PTN: variants seen among roughly 807,000 people sequenced by gnomAD.
The protein encoded by PTN is heparin affin regulatory protein.
A neutral mutation model predicts 24.1 loss-of-function variants in PTN; 18 were observed. That is an observed-to-expected ratio of 0.75 (90% CI 0.52 to 1.11). The LOEUF is 1.11. PTN is among the 50% of genes least tolerant of loss of function. The pLI is 0.00. For synonymous variants in PTN, 78 were observed against 68.6 expected (o/e 1.14, Z -0.67); for missense variants, 163 against 198.8 (o/e 0.82, Z 1.08).
chr7:137,267,086 C>T (rs1809164907), intron 1 of PTN, among the ~76,000 whole-genome samples: 1 of 151,986 alleles, frequency 6.6e-6, no homozygotes. Flanking sequence ...TTTAAATATG[C>T]CTTGGCTTTT....
chr7:137,276,999 T>G (rs1450572941), intron 1 of PTN, among the ~76,000 whole-genome samples: 1 of 152,190 alleles, frequency 6.6e-6, no homozygotes, highest in Non-Finnish European at 1.5e-5. Context: ...TCAAGGTGAG[T>G]ACACATATAT....
chr7:137,337,247 C>T (rs890563757), intron 1 of PTN, among the ~76,000 whole-genome samples: 1 of 152,130 alleles, frequency 6.6e-6, no homozygotes, highest in Non-Finnish European at 1.5e-5. Context: ...TGGGGTTTGA[C>T]ATGAGAGACA....
At chr7:137,297,183 G>A (rs1159206146) in intron 1 of PTN, among the ~76,000 whole-genome samples, 1 of 152,074 alleles carries the variant, frequency 6.6e-6, no homozygotes, top group East Asian at 1.9e-4. Flanking sequence ...AATAGTACAT[G>A]ATCATTTTTT....
intron 1 of PTN, among the ~76,000 whole-genome samples, chr7:137,292,728 G>A (rs1809658003): frequency 6.6e-6 from 1 of 152,142 alleles, no homozygotes; most frequent in African/African-American, 2.4e-5. Context: ...ACAAAAGTCT[G>A]TACATGTTCA....
intron 4 of PTN, among the ~76,000 whole-genome samples, chr7:137,247,885 T>C (rs926548646): frequency 6.6e-6 from 1 of 152,198 alleles, no homozygotes; most frequent in African/African-American, 2.4e-5. Context: ...CCCTTTGTGA[T>C]TTAGGTGAGA....
At chr7:137,280,553 C>A (rs1024301777) in intron 1 of PTN, among the ~76,000 whole-genome samples, 9 of 151,106 alleles carry the variant, frequency 6.0e-5, no homozygotes, top group African/African-American at 2.2e-4. Context: ...AGAGAGCAAA[C>A]AGAAACCATG....
At chr7:137,278,306 CAAAAAAAAAAAAAAA>C (rs71176391) in intron 1 of PTN, among the ~76,000 whole-genome samples, 1 of 62,844 alleles carries the variant, frequency 1.6e-5, no homozygotes. Flanking sequence ...GACTCCGTCT[CAAAAAAAAAAAAAAA>C]AAAAAAAAAA....
chr7:137,290,261 T>G (rs987774837), intron 1 of PTN, among the ~76,000 whole-genome samples: 2 of 152,154 alleles, frequency 1.3e-5, no homozygotes, highest in Non-Finnish European at 2.9e-5. Flanking sequence ...CATGTGGGAA[T>G]TCAAGATGAG....
chr7:137,289,641 T>C (rs1809609573), intron 1 of PTN, among the ~76,000 whole-genome samples: 1 of 152,062 alleles, frequency 6.6e-6, no homozygotes, highest in Non-Finnish European at 1.5e-5. Context: ...GGCTTTGAGA[T>C]GGAGGGATCA....
chr7:137,261,559 C>A (rs577877991), intron 1 of PTN, among the ~76,000 whole-genome samples: 86 of 152,156 alleles, frequency 5.7e-4, no homozygotes, highest in African/African-American at 2.0e-3. Context: ...GAAAATTTCC[C>A]CTTTGCCCTG....
At chr7:137,342,297 G>T (rs766332771) in intron 1 of PTN, among the ~76,000 whole-genome samples, 5 of 151,750 alleles carry the variant, frequency 3.3e-5, no homozygotes, top group Admixed American at 3.3e-4. Context: ...ACACACACAC[G>T]CACATGCACA....
intron 1 of PTN, among the ~76,000 whole-genome samples, chr7:137,303,830 A>G (rs1007128639): frequency 6.6e-6 from 1 of 152,082 alleles, no homozygotes; most frequent in African/African-American, 2.4e-5. Context: ...AAGTTCATAT[A>G]TAATGCCCAA....
intron 1 of PTN, among the ~76,000 whole-genome samples, chr7:137,276,909 G>A (rs780922848): frequency 1.1e-4 from 17 of 152,062 alleles, no homozygotes; most frequent in Non-Finnish European, 2.1e-4. Flanking sequence ...TAATGAAATA[G>A]TATTCTATTT....
intron 1 of PTN, among the ~76,000 whole-genome samples, chr7:137,264,016 T>C (rs987906211): frequency 6.6e-6 from 1 of 152,190 alleles, no homozygotes; most frequent in Admixed American, 6.5e-5. Context: ...ACAGAATGAG[T>C]GAATTCTTTC....
chr7:137,254,895 C>T lies in PTN; in HGVS notation c.79G>A (p.Val27Met), dbSNP rs1808893211. The change falls in exon 2 of 5, where the codon GTG becomes ATG. Residue 27 changes from valine (V) to methionine (M), a missense_variant. Val to Met is a conservative substitution (Grantham distance 21). Coordinates refer to ENST00000348225, the MANE Select transcript of PTN (RefSeq NM_002825.7). ...TTCTTCCCTGCTTCAGCAGTATCCA[C>T]AGCTGCCAGTATGAAAATGAATGCC... The part of the protein sequence containing the change: ...FLAFIFILAA[V>M]DTAEAGKKEK... The T allele has an allele frequency of 6.3e-7, 1 of 1,585,502 alleles. No homozygotes were observed. The highest frequency in any genetic ancestry group is 1.3e-5 in the African/African-American group (1 of 74,796).
chr7:137,335,561 C>G (rs948895119), intron 1 of PTN, among the ~76,000 whole-genome samples: 3 of 152,132 alleles, frequency 2.0e-5, no homozygotes, highest in Non-Finnish European at 4.4e-5. Flanking sequence ...GTCTCCTGTT[C>G]CCTCAAGTTT....
chr7:137,287,291 T>A (rs1809571805), intron 1 of PTN, among the ~76,000 whole-genome samples: 1 of 152,214 alleles, frequency 6.6e-6, no homozygotes, highest in Non-Finnish European at 1.5e-5. Flanking sequence ...AGTGCTTCTT[T>A]CAAATAACTT....
At chr7:137,310,220 A>G (rs1011256477) in intron 1 of PTN, among the ~76,000 whole-genome samples, 2 of 152,148 alleles carry the variant, frequency 1.3e-5, no homozygotes, top group Admixed American at 1.3e-4. Flanking sequence ...AGTGGGTCTC[A>G]ACAGTGAGTT....
chr7:137,236,273 T>G (rs2128868196), intron 4 of PTN: 6 of 702,012 alleles, frequency 8.5e-6, no homozygotes, highest in South Asian at 1.5e-5. Context: ...ATCTATAGCT[T>G]CTCCAAATCA....
Sources: gnomAD v4.1 joint callset for allele counts (sites outside exome capture counted in the v4.1 genomes callset) on GRCh38, gnomAD v4.1.1 for gene constraint, MANE v1.5 for transcripts, NCBI Gene and HGNC (gene_info 2026-07-23, HGNC 2026-07-21) for gene names.